ATRNL1: variants seen among roughly 807,000 people sequenced by gnomAD.
The protein encoded by ATRNL1 is attractin like 1.
A neutral mutation model predicts 182.7 loss-of-function variants in ATRNL1; 95 were observed. That is an observed-to-expected ratio of 0.52 (90% CI 0.44 to 0.62). The LOEUF is 0.62. Ranked by LOEUF, ATRNL1 falls within the 20% of genes least tolerant of loss-of-function variation. ATRNL1 has a pLI of 0.00. For missense variants in ATRNL1, 1,471 were observed against 1,679.5 expected (o/e 0.88, Z 2.17); for synonymous variants, 576 against 568.3 (o/e 1.01, Z -0.19).
chr10:115,596,188 C>A (rs1336552228), intron 26 of ATRNL1, among the ~76,000 whole-genome samples: 3 of 152,114 alleles, frequency 2.0e-5, no homozygotes, highest in Admixed American at 2.0e-4. Flanking sequence ...TCACTGCAAC[C>A]TCCGCCTCCT....
At chr10:115,695,068 T>C (rs868926620) in intron 26 of ATRNL1, among the ~76,000 whole-genome samples, 9 of 152,000 alleles carry the variant, frequency 5.9e-5, no homozygotes, top group African/African-American at 2.2e-4. Context: ...CTGTTTTTCA[T>C]AAAATAAGGG....
At chr10:115,553,127 A>C (rs1853095873) in intron 26 of ATRNL1, among the ~76,000 whole-genome samples, 1 of 151,326 alleles carries the variant, frequency 6.6e-6, no homozygotes, top group South Asian at 2.1e-4. Context: ...AAGATATTAT[A>C]ATTGTTCCCT....
chr10:115,507,088 C>T (rs1207007390), intron 24 of ATRNL1, among the ~76,000 whole-genome samples: 1 of 151,968 alleles, frequency 6.6e-6, no homozygotes, highest in Non-Finnish European at 1.5e-5. Flanking sequence ...CAGCTTGAAG[C>T]AAAGATGGGA....
chr10:115,308,888 G>C (rs2420077), intron 17 of ATRNL1, among the ~76,000 whole-genome samples: 4 of 152,064 alleles, frequency 2.6e-5, no homozygotes, highest in African/African-American at 7.2e-5. Context: ...ATGGTTTCAG[G>C]TGTTAGATTT....
At chr10:115,103,282 G>A (rs561993004) in intron 1 of ATRNL1, among the ~76,000 whole-genome samples, 1 of 151,832 alleles carries the variant, frequency 6.6e-6, no homozygotes, top group Non-Finnish European at 1.5e-5. Context: ...CAGGCAATCC[G>A]CCTGCCTCAG....
At chr10:115,105,745 A>C (rs1554865741) in intron 1 of ATRNL1, among the ~76,000 whole-genome samples, 1 of 152,194 alleles carries the variant, frequency 6.6e-6, no homozygotes, top group Non-Finnish European at 1.5e-5. Flanking sequence ...GGCAGCTTCC[A>C]TGTGGTGTTG....
At chr10:115,412,411 T>C (rs1341183124) in intron 20 of ATRNL1, among the ~76,000 whole-genome samples, 2 of 152,224 alleles carry the variant, frequency 1.3e-5, no homozygotes, top group African/African-American at 4.8e-5. Flanking sequence ...GATTGCAGTC[T>C]GCTGTGACTC....
intron 1 of ATRNL1, among the ~76,000 whole-genome samples, chr10:115,113,994 T>C (rs956836556): frequency 1.1e-4 from 17 of 152,224 alleles, no homozygotes; most frequent in South Asian, 2.1e-4. Flanking sequence ...TGTTTTTTTT[T>C]CCATGAACTT....
intron 27 of ATRNL1, among the ~76,000 whole-genome samples, chr10:115,779,083 A>G (rs1309716430): frequency 6.6e-6 from 1 of 152,184 alleles, no homozygotes; most frequent in Admixed American, 6.5e-5. Context: ...GCCTGCACCC[A>G]GGGCAGATTG....
At chr10:115,250,355 C>T (rs1156680301) in intron 10 of ATRNL1, among the ~76,000 whole-genome samples, 1 of 152,186 alleles carries the variant, frequency 6.6e-6, no homozygotes, top group Non-Finnish European at 1.5e-5. Context: ...TGGCCTTTGA[C>T]ATGTGTGTGA....
chr10:115,490,780 A>G (rs1258680650), intron 24 of ATRNL1, among the ~76,000 whole-genome samples: 10 of 151,914 alleles, frequency 6.6e-5, no homozygotes, highest in Non-Finnish European at 1.3e-4. Context: ...GCTGGTGAGG[A>G]GTTGTGATCC....
chr10:115,095,228 A>G (rs909236547), intron 1 of ATRNL1, among the ~76,000 whole-genome samples: 1 of 152,110 alleles, frequency 6.6e-6, no homozygotes, highest in Admixed American at 6.5e-5. Flanking sequence ...ATTGTAGATT[A>G]CTGATATTGT....
At position 115,114,398 on chromosome 10, in the gene ATRNL1, G is replaced by A. The variant is rs530675179; in HGVS notation, c.294-5787G>A. On this transcript the variant is annotated intron_variant, in intron 1 of 28. Coordinates refer to ENST00000355044, the MANE Select transcript of ATRNL1 (RefSeq NM_207303.4). ...CAGCAAAAGCAAAAATAGACAAATG[G>A]TATTGAATCAAGAAGCTTCTATACA... Among the ~76,000 whole-genome samples, 30 of 152,140 alleles carry A rather than the reference G, an allele frequency of 2.0e-4. No individual in the cohort carries two copies. In the South Asian group the frequency reaches 5.6e-3, roughly 28 times the overall value.
chr10:115,297,431 G>T (rs1050352374), intron 15 of ATRNL1, among the ~76,000 whole-genome samples: 55 of 152,050 alleles, frequency 3.6e-4, no homozygotes, highest in African/African-American at 1.3e-3. Context: ...CACAAGGTCA[G>T]GAGTTCGAGA....
chr10:115,431,995 A>C (rs1208064893), intron 21 of ATRNL1, among the ~76,000 whole-genome samples: 1 of 151,982 alleles, frequency 6.6e-6, no homozygotes, highest in Non-Finnish European at 1.5e-5. Flanking sequence ...AACTAGCATA[A>C]TTTTTCTTCT....
intron 28 of ATRNL1, among the ~76,000 whole-genome samples, chr10:115,868,312 C>T (rs1248468748): frequency 6.6e-6 from 1 of 152,130 alleles, no homozygotes; most frequent in Non-Finnish European, 1.5e-5. Flanking sequence ...CCATTGTAAT[C>T]TGACTTCAGT....
intron 27 of ATRNL1, among the ~76,000 whole-genome samples, chr10:115,793,968 C>T (rs978690252): frequency 3.0e-4 from 45 of 152,118 alleles, no homozygotes; most frequent in African/African-American, 1.1e-3. Flanking sequence ...AGTACAGCTA[C>T]TTAGAAAAAC....
chr10:115,734,455 C>T (rs190713232), intron 27 of ATRNL1, among the ~76,000 whole-genome samples: 15 of 151,748 alleles, frequency 9.9e-5, no homozygotes, highest in Admixed American at 2.6e-4. Context: ...TGTATTTTTC[C>T]TAGATGTTCA....
chr10:115,273,327 T>C (rs923951429), intron 13 of ATRNL1, among the ~76,000 whole-genome samples: 6 of 152,236 alleles, frequency 3.9e-5, no homozygotes, highest in Non-Finnish European at 8.8e-5. Context: ...ATTAAAATAC[T>C]CTTTTGCTGA....
Sources: allele counts gnomAD v4.1 joint callset (sites outside exome capture counted in the v4.1 genomes callset), GRCh38; gene constraint gnomAD v4.1.1; transcripts MANE v1.5; gene names NCBI Gene and HGNC (gene_info 2026-07-23, HGNC 2026-07-21).